HSPD1: variants seen among roughly 807,000 people sequenced by gnomAD.
HSPD1 encodes 60 kDa heat shock protein, mitochondrial.
Under a neutral mutation model 53.0 loss-of-function variants are expected in HSPD1, and 3 were observed. That is an observed-to-expected ratio of 0.06 (90% CI 0.03 to 0.15). The LOEUF is 0.15. Ranked by LOEUF, HSPD1 falls within the 10% of genes least tolerant of loss-of-function variation. The pLI is 1.00. For missense variants in HSPD1, 431 were observed against 694.1 expected (o/e 0.62, Z 4.26); for synonymous variants, 200 against 228.0 (o/e 0.88, Z 1.10).
At chr2:197,498,539 C>A (rs894277919) in intron 2 of HSPD1, 136 bp downstream of exon 2, 14 of 819,006 alleles carry the variant, frequency 1.7e-5, no homozygotes, top group Non-Finnish European at 2.6e-5. Context: ...CTAACCAATA[C>A]TTCAGAATTC....
intron 5 of HSPD1, 58 bp from the exon 6 acceptor site, chr2:197,494,308 A>G: frequency 1.1e-6 from 1 of 877,514 alleles, no homozygotes; most frequent in South Asian, 1.3e-5. Flanking sequence ...ACATGGAATT[A>G]CAGGCCAGAT....
upstream of HSPD1, chr2:197,500,113 T>G: frequency 2.3e-6 from 1 of 440,922 alleles, no homozygotes; most frequent in South Asian, 2.8e-5. Flanking sequence ...GGCTCAAGGG[T>G]CAAATCGCGT....
intron 1 of HSPD1, 58 bp from the exon 2 acceptor site, chr2:197,498,908 A>C (rs1444126478): frequency 6.8e-7 from 1 of 1,477,730 alleles, no homozygotes; most frequent in Non-Finnish European, 9.4e-7. Context: ...CTGCAGAACA[A>C]ACATGCCCAC....
At chr2:197,492,820 G>A (rs1049559979) in intron 7 of HSPD1, among the ~76,000 whole-genome samples, 3 of 151,932 alleles carry the variant, frequency 2.0e-5, no homozygotes, top group Non-Finnish European at 4.4e-5. Flanking sequence ...GACCAGCCTG[G>A]CCAATATGGT....
At chr2:197,496,272 C>T (rs1274725252) in intron 3 of HSPD1, among the ~76,000 whole-genome samples, 1 of 152,172 alleles carries the variant, frequency 6.6e-6, no homozygotes, top group African/African-American at 2.4e-5. Flanking sequence ...AAATCCAATG[C>T]AAGGTGCTGG....
At chr2:197,494,409 A>G (rs1331378688) in intron 5 of HSPD1, 159 bp from the exon 6 acceptor site, 2 of 644,228 alleles carry the variant, frequency 3.1e-6, no homozygotes, top group Non-Finnish European at 2.8e-6. Context: ...AAAAAATCCC[A>G]AAAGTGCTTA....
At chr2:197,494,311 G>A (rs2086130758) in intron 5 of HSPD1, 61 bp from the exon 6 acceptor site, 1 of 867,400 alleles carries the variant, frequency 1.2e-6, no homozygotes, top group Non-Finnish European at 2.0e-6. Flanking sequence ...TGGAATTACA[G>A]GCCAGATTAA....
intron 6 of HSPD1, among the ~76,000 whole-genome samples, chr2:197,493,887 G>A (rs947784814): frequency 4.6e-5 from 7 of 152,002 alleles, no homozygotes; most frequent in Admixed American, 1.3e-4. Flanking sequence ...GATCACCTGA[G>A]GTCAGGAGTT....
rs758107772 is a variant in HSPD1 at position 197,488,112 on chromosome 2, T to C, written c.1391-76A>G. ...AACACATTTATAAGTTGTGAGGATA[T>C]TGATGTAGGGAAATCCCAATCCTAC... On this transcript the variant is annotated intron_variant, in intron 10 of 11. Transcript: ENST00000388968. The C allele has an allele frequency of 4.4e-5, 52 of 1,169,926 alleles. 1 individual carries two copies. The highest frequency in any genetic ancestry group is 5.4e-5 in the Non-Finnish European group (43 of 801,528). The allele number at this position is 1,169,926 out of a possible 1,614,324, so 72.5% of individuals were successfully genotyped here.
At chr2:197,494,122 AAATAATAAT>A in intron 6 of HSPD1, 26 bp downstream of exon 6, 1 of 983,962 alleles carries the variant, frequency 1.0e-6, no homozygotes, top group Non-Finnish European at 1.6e-6. Flanking sequence ...AAAATAATAA[AAATAATAAT>A]AATTCAGTTA....
intron 11 of HSPD1, 94 bp from the exon 12 acceptor site, chr2:197,487,292 A>G (rs1208287078): frequency 1.8e-6 from 2 of 1,119,806 alleles, no homozygotes; most frequent in African/African-American, 3.1e-5. Flanking sequence ...TCACACCTGT[A>G]ATCCAGCACT....
intron 2 of HSPD1, 31 bp downstream of exon 2, chr2:197,498,644 C>G (rs200985010): frequency 1.3e-6 from 2 of 1,585,164 alleles, no homozygotes; most frequent in South Asian, 2.2e-5. Context: ...TTAATAATAC[C>G]GTAATTACAA....
At chr2:197,494,494 C>T (rs2086132850) in intron 5 of HSPD1, 163 bp downstream of exon 5, 1 of 642,004 alleles carries the variant, frequency 1.6e-6, no homozygotes, top group Non-Finnish European at 2.8e-6. Flanking sequence ...ACAGTAAGTA[C>T]TTTATTCTAT....
intron 2 of HSPD1, among the ~76,000 whole-genome samples, chr2:197,498,388 G>C (rs1297631633): frequency 1.3e-5 from 2 of 152,174 alleles, no homozygotes; most frequent in African/African-American, 2.4e-5. Context: ...TTTAACTTAA[G>C]CCAGCGAAAT....
At chr2:197,491,804 T>C (rs1219819746) in intron 7 of HSPD1, among the ~76,000 whole-genome samples, 1 of 152,162 alleles carries the variant, frequency 6.6e-6, no homozygotes, top group Non-Finnish European at 1.5e-5. Context: ...TGCTATTTTC[T>C]CTACTTCAGA....
At chr2:197,488,137 C>T (rs2086049307) in intron 10 of HSPD1, 101 bp from the exon 11 acceptor site, 1 of 1,018,430 alleles carries the variant, frequency 9.8e-7, no homozygotes, top group South Asian at 1.4e-5. Flanking sequence ...CCCAATCCTA[C>T]TACAGATCAA....
At chr2:197,487,739 T>C (rs530969691) in intron 11 of HSPD1, 119 bp downstream of exon 11, 20 of 771,226 alleles carry the variant, frequency 2.6e-5, no homozygotes, top group Non-Finnish European at 4.4e-5. Flanking sequence ...ACAAGAGCTA[T>C]TGCTGTTGCT....
intron 3 of HSPD1, 113 bp from the exon 4 acceptor site, chr2:197,495,489 A>T (rs13432424): frequency 0.012 from 6,579 of 530,068 alleles, 46 homozygotes; most frequent in African/African-American, 0.051. Flanking sequence ...AAAAAAAAAA[A>T]TTTTTTTTTT....
chr2:197,488,971 C>T (rs1222426970), intron 9 of HSPD1, 31 bp downstream of exon 9: 4 of 1,613,028 alleles, frequency 2.5e-6, no homozygotes. Context: ...ACTCAGAACC[C>T]AAGAAACTTA....
Sources: allele counts gnomAD v4.1 joint callset (sites outside exome capture counted in the v4.1 genomes callset), GRCh38; gene constraint gnomAD v4.1.1; transcripts MANE v1.5; gene names NCBI Gene and HGNC (gene_info 2026-07-23, HGNC 2026-07-21).